The following UTP25 variants were observed in gnomAD, a reference collection of about 807,000 sequenced individuals.
UTP25 encodes UTP25 small subunit processome component, also known as U3 small nucleolar RNA-associated protein 25 homolog.
A neutral mutation model predicts 78.9 loss-of-function variants in UTP25; 50 were observed. That is an observed-to-expected ratio of 0.63 (90% CI 0.50 to 0.80). The LOEUF (loss-of-function observed/expected upper bound fraction) is 0.80. UTP25 is among the 30% of genes least tolerant of loss of function. The pLI is 0.00. For synonymous variants in UTP25, 329 were observed against 336.5 expected (o/e 0.98, Z 0.24); for missense variants, 846 against 911.3 (o/e 0.93, Z 0.92).
intron 3 of UTP25, 94 bp from the exon 4 acceptor site, chr1:209,833,091 C>T (rs1292304901): frequency 6.8e-6 from 8 of 1,168,484 alleles, no homozygotes; most frequent in Non-Finnish European, 8.3e-6. Context: ...TATCAATGAA[C>T]GCTATTGTTG....
rs1175614619 is a variant in UTP25, at chr1:209,856,504, G to A, written c.*5057G>A. ...GGCTATAAGCTCTGTACGTAGGAGA[G>A]TGGTGAAGAAAGGAGCTTGGTTCTG... On this transcript the variant is annotated 3_prime_UTR_variant, in exon 12 of 12. Transcript: ENST00000491415. The A allele has an allele frequency of 6.6e-6, 1 of 152,252 alleles. No homozygotes were observed. The highest frequency in any genetic ancestry group is 1.9e-4 in the East Asian group (1 of 5,202). The allele number at this position is 152,252 out of a possible 1,614,324, so 9.4% of individuals were successfully genotyped here.
At position 209,843,570 on chromosome 1, in the gene UTP25, A is replaced by C; in HGVS notation, c.1901A>C (p.Glu634Ala). 1 of 1,614,222 alleles carries C rather than the reference A, an allele frequency of 6.2e-7. No homozygotes were observed. The highest frequency in any genetic ancestry group is 8.5e-7 in the Non-Finnish European group (1 of 1,180,032). ...FVRLRNYFKKEELNFTHICEY... is the reference protein window; with the variant it reads ...FVRLRNYFKKAELNFTHICEY... Reference sequence around the variant, plus strand: ...CGTCTTCGAAATTACTTCAAGAAGGAGGAATTGAATTTTACCCACATCTGC... The same window carrying C: ...CGTCTTCGAAATTACTTCAAGAAGGCGGAATTGAATTTTACCCACATCTGC... Residue 634 changes from glutamate to alanine, a missense_variant, in exon 11 of 12, where the codon GAG becomes GCG. Glu to Ala is a moderately radical substitution (Grantham distance 107, BLOSUM62 -1). Coordinates refer to ENST00000491415, the MANE Select transcript of UTP25 (RefSeq NM_014388.7).
At chr1:209,836,074 C>A (rs564294221) in intron 5 of UTP25, among the ~76,000 whole-genome samples, 12 of 152,138 alleles carry the variant, frequency 7.9e-5, no homozygotes, top group Non-Finnish European at 1.8e-4. Flanking sequence ...CCCTGGTAAC[C>A]ACTAATCTGG....
At chr1:209,840,269 T>C (rs1255420950) in intron 7 of UTP25, among the ~76,000 whole-genome samples, 1 of 152,198 alleles carries the variant, frequency 6.6e-6, no homozygotes, top group Non-Finnish European at 1.5e-5. Context: ...CCCAAAGCTT[T>C]ATGCAGCACG....
At chr1:209,847,129 A>T (rs2078201784) in intron 11 of UTP25, among the ~76,000 whole-genome samples, 1 of 152,036 alleles carries the variant, frequency 6.6e-6, no homozygotes, top group Non-Finnish European at 1.5e-5. Context: ...GTGCTCATTT[A>T]AAAAAATTCA....
Position 209,840,904 on chromosome 1 carries a change from C to T in UTP25, c.1334C>T (p.Ser445Leu), listed in dbSNP as rs1005417763. The change falls in exon 8 of 12, where the codon TCG (serine) becomes TTG (leucine). Residue 445 changes from serine (S) to leucine (L), a missense_variant. Coordinates refer to ENST00000491415, the MANE Select transcript of UTP25 (RefSeq NM_014388.7). ...CGACTCTATGCCCCGTTTTACTCCT[C>T]GGATATCCTCATTGCTTCCCCCCTG... ...SIRLYAPFYS[S>L]DILIASPLGL... 3.1e-6 allele frequency: 5 copies of T among 1,613,572 alleles called. No homozygotes were observed. Among genetic ancestry groups the T allele is most frequent in the Non-Finnish European group, 3.4e-6 (4 of 1,179,968 alleles).
At chr1:209,838,302 A>G (rs2078145495) in intron 6 of UTP25, among the ~76,000 whole-genome samples, 1 of 152,212 alleles carries the variant, frequency 6.6e-6, no homozygotes, top group South Asian at 2.1e-4. Flanking sequence ...TCTCAACAGT[A>G]ACTTTAAATA....
chr1:209,847,435 G>A (rs756854768), intron 11 of UTP25, among the ~76,000 whole-genome samples: 9 of 152,070 alleles, frequency 5.9e-5, no homozygotes, highest in East Asian at 3.8e-4. Context: ...GTAAAGTAGC[G>A]TGAGTCTTCA....
intron 11 of UTP25, among the ~76,000 whole-genome samples, chr1:209,845,134 A>G (rs1473488899): frequency 6.6e-6 from 1 of 152,246 alleles, no homozygotes; most frequent in East Asian, 1.9e-4. Flanking sequence ...GAGGCGTCCC[A>G]GCAGCTTGCC....
At position 209,851,351 on chromosome 1, in the gene UTP25, T is replaced by C. The variant is rs199626696; in HGVS notation, c.2175T>C (p.Asp725=). 2.5e-6 allele frequency: 4 copies of C among 1,614,214 alleles called. No homozygotes were observed. The highest frequency in any genetic ancestry group is 3.4e-6 in the Non-Finnish European group (4 of 1,180,028). Residue 725 remains aspartate (D), a synonymous_variant, in exon 12 of 12, where the codon GAT becomes GAC. Transcript: ENST00000491415. ...GCACTGTTCTCTACTCCAAATATGA[T>C]GCCCAGAGGTTAGCTGCCGTGGTTG... is the stretch of plus-strand genomic sequence containing the variant. ...WTCTVLYSKY[D]AQRLAAVVGV...
chr1:209,830,926 G>GA lies in UTP25; in HGVS notation c.272dup (p.Glu92GlyfsTer11). On this transcript the variant is annotated frameshift_variant, in exon 3 of 12. Coordinates refer to ENST00000491415, the MANE Select transcript of UTP25 (RefSeq NM_014388.7). LOFTEE classifies it high-confidence loss of function. ...TTCTGAGGAAGAAGAGGAAGATGAG[G>GA]AGGAGGAAGAGGAAGAAGACAGTAT... The GA allele has an allele frequency of 6.2e-7, 1 of 1,613,810 alleles. No individual in the cohort carries two copies. Among genetic ancestry groups the GA allele is most frequent in the Non-Finnish European group, 8.5e-7 (1 of 1,179,700 alleles).
chr1:209,841,161 T>C, intron 8 of UTP25, 106 bp downstream of exon 8: 1 of 1,238,558 alleles, frequency 8.1e-7, no homozygotes, highest in Non-Finnish European at 1.1e-6. Flanking sequence ...ATTAGAACTC[T>C]TGTTTGGAAG....
At chr1:209,837,375 A>G (rs2078139684) in intron 6 of UTP25, among the ~76,000 whole-genome samples, 164 bp downstream of exon 6, 2 of 152,238 alleles carry the variant, frequency 1.3e-5, no homozygotes, top group African/African-American at 4.8e-5. Context: ...TCAGAGCAGC[A>G]CTGCAGCAGC....
At position 209,842,327 on chromosome 1, in the gene UTP25, G is replaced by A. The variant is rs2078171691; in HGVS notation, c.1548G>A (p.Val516=). ...LDSHGVDFSR[V]RMWSLNNWSK... ...CACATGGGGTAGACTTTTCTCGAGTGCGGATGTGGAGCCTCAATAATTGGT... is the reference window on the plus strand; with the variant it reads ...CACATGGGGTAGACTTTTCTCGAGTACGGATGTGGAGCCTCAATAATTGGT... The change falls in exon 9 of 12, where the codon GTG becomes GTA. Residue 516 remains valine (V), a synonymous_variant. Coordinates refer to ENST00000491415, the MANE Select transcript of UTP25 (RefSeq NM_014388.7). 6.2e-7 allele frequency: 1 copy of A among 1,614,102 alleles called. No individual in the cohort carries two copies. The highest frequency in any genetic ancestry group is 8.5e-7 in the Non-Finnish European group (1 of 1,179,976).
rs2078077828 is a variant in UTP25 at position 209,828,026 on chromosome 1, C to G, written c.-38C>G. ...ACTGGACAACTTCCTGGTGGAAAAC[C>G]GCGACTCTTGCAAGTGGGCAAACTT... On this transcript the variant is annotated 5_prime_UTR_variant, in exon 1 of 12. Transcript: ENST00000491415. The G allele has an allele frequency of 1.3e-6, 2 of 1,548,004 alleles. No individual in the cohort carries two copies. Among genetic ancestry groups the G allele is most frequent in the Non-Finnish European group, 1.8e-6 (2 of 1,120,038 alleles).
At chr1:209,845,930 C>T (rs549372265) in intron 11 of UTP25, among the ~76,000 whole-genome samples, 7 of 147,072 alleles carry the variant, frequency 4.8e-5, no homozygotes, top group South Asian at 4.3e-4. Flanking sequence ...GATCTCGGCC[C>T]GCTGCAGCGT....
chr1:209,843,800 C>T, intron 11 of UTP25, 104 bp downstream of exon 11: 2 of 1,433,548 alleles, frequency 1.4e-6, no homozygotes, highest in South Asian at 2.7e-5. Context: ...TGAGATCATC[C>T]CTCACTCTCG....
intron 9 of UTP25, 37 bp downstream of exon 9, chr1:209,842,484 G>A (rs368924168): frequency 4.3e-6 from 7 of 1,613,030 alleles, no homozygotes; most frequent in Non-Finnish European, 5.9e-6. Flanking sequence ...ATCTTCATGA[G>A]CACTGTTTAT....
At chr1:209,837,493 T>C (rs1249323129) in intron 6 of UTP25, among the ~76,000 whole-genome samples, 1 of 152,200 alleles carries the variant, frequency 6.6e-6, no homozygotes, top group Non-Finnish European at 1.5e-5. Flanking sequence ...AAAACTCCAT[T>C]ATAAATCTCT....
Sources: gnomAD v4.1 joint callset for allele counts (sites outside exome capture counted in the v4.1 genomes callset) on GRCh38, gnomAD v4.1.1 for gene constraint, MANE v1.5 for transcripts, NCBI Gene and HGNC (gene_info 2026-07-23, HGNC 2026-07-21) for gene names.